The following RANBP2 variants were observed in gnomAD, a reference collection of about 807,000 sequenced individuals.
The protein encoded by RANBP2 is RAN binding protein 2.
Under a neutral mutation model 303.6 loss-of-function variants are expected in RANBP2, and 57 were observed. That is an observed-to-expected ratio of 0.19 (90% CI 0.15 to 0.23). The LOEUF (loss-of-function observed/expected upper bound fraction) is 0.23, where lower values mean the gene tolerates loss of function less well. RANBP2 is among the 10% of genes least tolerant of loss of function. The pLI is 1.00. For missense variants in RANBP2, 3,138 were observed against 3,780.8 expected (o/e 0.83, Z 4.46); for synonymous variants, 1,167 against 1,301.5 (o/e 0.90, Z 2.23).
At chr2:108,910,153 G>A in the RANBP2 span, among the ~76,000 whole-genome samples, 1 of 152,224 alleles carries the variant, frequency 6.6e-6, no homozygotes, top group South Asian at 2.1e-4. Flanking sequence ...TTGGCTTTAT[G>A]TTCTGCCCTC....
At chr2:109,592,715 G>A in the RANBP2 span, among the ~76,000 whole-genome samples, 1 of 151,388 alleles carries the variant, frequency 6.6e-6, no homozygotes, top group East Asian at 1.9e-4. Flanking sequence ...GGGAGGCAGA[G>A]GTTGCAGTGA....
At chr2:109,066,101 C>T in the RANBP2 span, among the ~76,000 whole-genome samples, 3 of 151,526 alleles carry the variant, frequency 2.0e-5, no homozygotes, top group Non-Finnish European at 4.4e-5. Flanking sequence ...CCATGCCCGG[C>T]TAATTCTGTA....
At chr2:109,436,343 C>T in the RANBP2 span, among the ~76,000 whole-genome samples, 1 of 152,186 alleles carries the variant, frequency 6.6e-6, no homozygotes, top group Non-Finnish European at 1.5e-5. Context: ...GAGCTGATGT[C>T]ATCTGGAAAC....
At chr2:109,291,662 T>A in the RANBP2 span, among the ~76,000 whole-genome samples, 1 of 152,170 alleles carries the variant, frequency 6.6e-6, no homozygotes, top group Non-Finnish European at 1.5e-5. Flanking sequence ...ATTGTTCCAG[T>A]GGGGTGTGAG....
At chr2:109,041,244 C>T in the RANBP2 span, among the ~76,000 whole-genome samples, 6 of 152,046 alleles carry the variant, frequency 3.9e-5, no homozygotes, top group African/African-American at 7.2e-5. Context: ...TCTACTTATA[C>T]GAGTATAGCA....
the RANBP2 span, among the ~76,000 whole-genome samples, chr2:109,409,597 T>C: frequency 6.6e-6 from 1 of 152,072 alleles, no homozygotes; most frequent in South Asian, 2.1e-4. Context: ...GCAGTTCCCC[T>C]CACCAGCTGA....
chr2:109,515,512 G>A, the RANBP2 span, among the ~76,000 whole-genome samples: 3 of 152,104 alleles, frequency 2.0e-5, no homozygotes, highest in South Asian at 4.2e-4. Flanking sequence ...CCCTTCCTAG[G>A]CCCCAGATCT....
At chr2:109,415,815 G>A in the RANBP2 span, among the ~76,000 whole-genome samples, 1 of 152,176 alleles carries the variant, frequency 6.6e-6, no homozygotes, top group Admixed American at 6.5e-5. Flanking sequence ...CCCTGCTGTG[G>A]CTTGAATGTC....
chr2:109,425,262 A>G, the RANBP2 span, among the ~76,000 whole-genome samples: 6 of 152,404 alleles, frequency 3.9e-5, no homozygotes, highest in South Asian at 1.0e-3. Context: ...GAAAGAAGCC[A>G]TCTCTGCAAC....
chr2:109,113,333 T>C, the RANBP2 span, among the ~76,000 whole-genome samples: 1 of 151,942 alleles, frequency 6.6e-6, no homozygotes, highest in Non-Finnish European at 1.5e-5. Flanking sequence ...GTAGTTCTCC[T>C]TGAAGAGGTC....
the RANBP2 span, among the ~76,000 whole-genome samples, chr2:109,203,865 C>T: frequency 2.6e-5 from 4 of 152,204 alleles, no homozygotes; most frequent in African/African-American, 7.2e-5. Context: ...TACCCCTGGG[C>T]CCTTCTTGTT....
chr2:108,745,384 A>G (rs1246860254), intron 7 of RANBP2, among the ~76,000 whole-genome samples: 1 of 147,118 alleles, frequency 6.8e-6, no homozygotes, highest in Non-Finnish European at 1.5e-5. Context: ...CTATGACTGG[A>G]CGTTTTCAGT....
At chr2:109,180,582 C>G in the RANBP2 span, among the ~76,000 whole-genome samples, 8 of 152,224 alleles carry the variant, frequency 5.3e-5, no homozygotes, top group East Asian at 1.5e-3. Flanking sequence ...TGGTTTCTCC[C>G]ATACTGTTCT....
chr2:109,549,318 A>G, the RANBP2 span, among the ~76,000 whole-genome samples: 1 of 152,202 alleles, frequency 6.6e-6, no homozygotes, highest in Non-Finnish European at 1.5e-5. Flanking sequence ...CCTCACATGA[A>G]TATTAAAATA....
At chr2:108,750,319 G>T (rs1399262923) in intron 9 of RANBP2, among the ~76,000 whole-genome samples, 1 of 152,116 alleles carries the variant, frequency 6.6e-6, no homozygotes, top group African/African-American at 2.4e-5. Flanking sequence ...TTTTTATGAA[G>T]TAGTCATAAT....
At chr2:109,321,167 G>A in the RANBP2 span, among the ~76,000 whole-genome samples, 2 of 152,218 alleles carry the variant, frequency 1.3e-5, no homozygotes, top group South Asian at 2.1e-4. Context: ...CCTCTCAAAC[G>A]CTTCTTTGCA....
the RANBP2 span, among the ~76,000 whole-genome samples, chr2:109,192,155 GCGGTT>G: frequency 6.6e-6 from 1 of 152,174 alleles, no homozygotes; most frequent in Non-Finnish European, 1.5e-5. Flanking sequence ...TTCTTTGAGA[GCGGTT>G]CGGTTCTACA....
At chr2:109,216,322 G>A in the RANBP2 span, among the ~76,000 whole-genome samples, 1 of 152,324 alleles carries the variant, frequency 6.6e-6, no homozygotes, top group East Asian at 1.9e-4. Flanking sequence ...TCAGCTTAGT[G>A]ATCCCACCTT....
chr2:109,716,022 G>A, the RANBP2 span, among the ~76,000 whole-genome samples: 1 of 152,032 alleles, frequency 6.6e-6, no homozygotes, highest in African/African-American at 2.4e-5. Flanking sequence ...CAAAGTTAAG[G>A]ACGCGCCCAG....
Sources: gnomAD v4.1 joint callset for allele counts (sites outside exome capture counted in the v4.1 genomes callset) on GRCh38, gnomAD v4.1.1 for gene constraint, MANE v1.5 for transcripts, NCBI Gene and HGNC (gene_info 2026-07-23, HGNC 2026-07-21) for gene names.